CTXND1: variants seen among roughly 807,000 people sequenced by gnomAD.
CTXND1 encodes the protein cortexin domain-containing 1 protein.
At chr15:80,235,389 C>T (rs189552571) in intron 1 of CTXND1, among the ~76,000 whole-genome samples, 194 of 152,322 alleles carry the variant, frequency 1.3e-3, no homozygotes, top group African/African-American at 4.4e-3. Context: ...GAGGTGCACA[C>T]GTGGCCCTGG....
At chr15:80,236,088 CA>C (rs1273386731) in intron 1 of CTXND1, among the ~76,000 whole-genome samples, 1 of 149,876 alleles carries the variant, frequency 6.7e-6, no homozygotes, top group Non-Finnish European at 1.5e-5. Flanking sequence ...GGGTGGGGAA[CA>C]CCCCAGTGAT....
intron 1 of CTXND1, among the ~76,000 whole-genome samples, chr15:80,238,008 CAAAA>C (rs57718635): frequency 2.6e-5 from 2 of 77,134 alleles, no homozygotes; most frequent in South Asian, 4.8e-4. Flanking sequence ...GACTCCATCT[CAAAA>C]AAAAAAAAAA....
At chr15:80,202,207 G>A (rs2041453915) in intron 2 of CTXND1, among the ~76,000 whole-genome samples, 193 bp from the exon 3 acceptor site, 3 of 78,532 alleles carry the variant, frequency 3.8e-5, no homozygotes, top group Non-Finnish European at 7.5e-5. Context: ...AACCTTGTAG[G>A]TAAACCAGAG....
At chr15:80,221,238 T>C (rs1893314683) in intron 1 of CTXND1, among the ~76,000 whole-genome samples, 2 of 152,206 alleles carry the variant, frequency 1.3e-5, no homozygotes, top group South Asian at 4.1e-4. Context: ...TTAGAAGATT[T>C]AGATTTAGAA....
rs148861532 is a variant in CTXND1, at chr15:80,231,493, A to G, written c.-218+20514T>C. Among the ~76,000 whole-genome samples, 668 of 152,284 alleles carry G rather than the reference A, an allele frequency of 4.4e-3. 6 individuals are homozygous for G. Among genetic ancestry groups the G allele is most frequent in the African/African-American group, 0.015 (644 of 41,558 alleles). Reference sequence around the variant, plus strand: ...AAGGACACAAACATGGCTCTAAACCATGGGAGAAATTTATAAGCCAACTCC... The same window carrying G: ...AAGGACACAAACATGGCTCTAAACCGTGGGAGAAATTTATAAGCCAACTCC... On this transcript the variant is annotated intron_variant, in intron 1 of 2. Transcript: ENST00000560778.
chr15:80,240,320 A>G (rs1045203813), intron 1 of CTXND1, among the ~76,000 whole-genome samples: 10 of 152,060 alleles, frequency 6.6e-5, no homozygotes, highest in Admixed American at 5.9e-4. Flanking sequence ...GACCCATAAA[A>G]CCTGAATTTG....
chr15:80,206,859 G>T (rs1893152172), intron 1 of CTXND1, among the ~76,000 whole-genome samples: 1 of 152,074 alleles, frequency 6.6e-6, no homozygotes, highest in South Asian at 2.1e-4. Context: ...TTCATTCTCA[G>T]TTTTACAGTG....
At chr15:80,230,923 T>C (rs1893421181) in intron 1 of CTXND1, among the ~76,000 whole-genome samples, 1 of 151,962 alleles carries the variant, frequency 6.6e-6, no homozygotes, top group African/African-American at 2.4e-5. Flanking sequence ...CCGGGCAGGG[T>C]GGCACACACC....
At chr15:80,228,807 T>G (rs1176884663) in intron 1 of CTXND1, among the ~76,000 whole-genome samples, 1 of 151,872 alleles carries the variant, frequency 6.6e-6, no homozygotes, top group Non-Finnish European at 1.5e-5. Flanking sequence ...TTTTGTATTT[T>G]TAGTTAGAGA....
intron 1 of CTXND1, among the ~76,000 whole-genome samples, chr15:80,216,047 C>A (rs2142127429): frequency 6.6e-6 from 1 of 152,286 alleles, no homozygotes; most frequent in Middle Eastern, 3.4e-3. Flanking sequence ...AGATTTCCAC[C>A]TTGTTGAACA....
At position 80,204,169 on chromosome 15, in the gene CTXND1, AATATATATAT is replaced by A. The variant is rs1282033532; in HGVS notation, c.-217-439_-217-430del. ...CTCAAAAAAAAAAAAAAAAAAAAAA[AATATATATAT>A]ATATATATATATATATATATACACA... On this transcript the variant is annotated intron_variant, in intron 1 of 2. Transcript: ENST00000560778. 5.0e-3 allele frequency among the ~76,000 whole-genome samples: 325 copies of A among 65,044 alleles called. 7 individuals are homozygous for A. The highest frequency in any genetic ancestry group is 9.6e-3 in the Admixed American group (35 of 3,646). The allele number at this position is 65,044 out of a possible 152,430, so 42.7% of individuals were successfully genotyped here. A position where few individuals can be genotyped will look rare whatever the true frequency, so the allele number is the denominator to read the frequency against.
At chr15:80,232,206 G>A (rs1410388295) in intron 1 of CTXND1, among the ~76,000 whole-genome samples, 1 of 152,214 alleles carries the variant, frequency 6.6e-6, no homozygotes, top group Non-Finnish European at 1.5e-5. Context: ...AGGATGTGCT[G>A]TGTGGGAAAT....
intron 1 of CTXND1, among the ~76,000 whole-genome samples, chr15:80,207,639 T>C (rs760491251): frequency 6.6e-6 from 1 of 152,244 alleles, no homozygotes; most frequent in Non-Finnish European, 1.5e-5. Context: ...AGCACTGATG[T>C]AAAACATTGC....
At chr15:80,230,470 T>C (rs950764685) in intron 1 of CTXND1, among the ~76,000 whole-genome samples, 24 of 152,228 alleles carry the variant, frequency 1.6e-4, no homozygotes, top group Non-Finnish European at 1.8e-4. Flanking sequence ...TTCATCAGTT[T>C]ATCAATCTTA....
At chr15:80,232,618 C>T (rs989349487) in intron 1 of CTXND1, among the ~76,000 whole-genome samples, 1 of 152,166 alleles carries the variant, frequency 6.6e-6, no homozygotes, top group Non-Finnish European at 1.5e-5. Context: ...AAAGCCCCAA[C>T]AAGAGCCTCA....
At chr15:80,203,214 A>T (rs1316085275) in intron 2 of CTXND1, among the ~76,000 whole-genome samples, 3 of 152,116 alleles carry the variant, frequency 2.0e-5, no homozygotes, top group Admixed American at 2.0e-4. Flanking sequence ...ATTCGTCCCT[A>T]TCCTCATCCC....
Position 80,240,507 on chromosome 15 carries a change from ACT to A in CTXND1, c.-218+11498_-218+11499del, listed in dbSNP as rs111952394. Among the ~76,000 whole-genome samples the A allele has an allele frequency of 9.3e-3, 1,411 of 150,968 alleles. 30 individuals are homozygous for A. Among genetic ancestry groups the A allele is most frequent in the South Asian group, 0.064 (306 of 4,786 alleles). ...GACTTACTGTTGTGTGCCTGCCAAC[ACT>A]CCCCCCCCACCACCCAACAAATAAA... On this transcript the variant is annotated intron_variant, in intron 1 of 2. Transcript: ENST00000560778.
intron 1 of CTXND1, among the ~76,000 whole-genome samples, chr15:80,211,654 C>T (rs183749839): frequency 1.2e-4 from 19 of 152,164 alleles, no homozygotes; most frequent in Admixed American, 3.3e-4. Flanking sequence ...TGTTATCTTC[C>T]GATATGTAAA....
intron 1 of CTXND1, among the ~76,000 whole-genome samples, chr15:80,227,487 T>C (rs568535111): frequency 3.9e-4 from 60 of 152,262 alleles, no homozygotes; most frequent in Non-Finnish European, 7.4e-4. Context: ...AAGGGCTTAT[T>C]ATGGGGTCAT....
Sources: allele counts gnomAD v4.1 joint callset (sites outside exome capture counted in the v4.1 genomes callset), GRCh38; gene constraint gnomAD v4.1.1; transcripts MANE v1.5; gene names NCBI Gene and HGNC (gene_info 2026-07-23, HGNC 2026-07-21).